The following EIF4A2 variants were observed in gnomAD, a reference collection of about 807,000 sequenced individuals.
EIF4A2 encodes eukaryotic translation initiation factor 4A2.
A neutral mutation model predicts 50.6 loss-of-function variants in EIF4A2; 9 were observed. That is an observed-to-expected ratio of 0.18 (90% CI 0.11 to 0.31). EIF4A2 has a LOEUF of 0.31. Among genes scored for constraint, EIF4A2 ranks in the 10% least tolerant of loss-of-function variants. The pLI, the probability that EIF4A2 is intolerant of heterozygous loss-of-function variation, is 1.00. For synonymous variants in EIF4A2, 215 were observed against 164.4 expected (o/e 1.31, Z -2.35); for missense variants, 182 against 501.8 (o/e 0.36, Z 6.09).
intron 10 of EIF4A2, chr3:186,788,395 A>C: frequency 1.1e-5 from 14 of 1,284,384 alleles, no homozygotes; most frequent in Non-Finnish European, 1.4e-5. Flanking sequence ...GCGAAACAGC[A>C]CACTGTTTGA....
intron 1 of EIF4A2, chr3:186,783,956 G>GTA (rs1721524282): frequency 4.2e-6 from 2 of 471,862 alleles, no homozygotes; most frequent in Admixed American, 7.3e-5. Flanking sequence ...TCGGTACACT[G>GTA]TAACCAGGAC....
At position 186,784,219 on chromosome 3, in the gene EIF4A2, C is replaced by T. The variant is rs539061113; in HGVS notation, c.30-213C>T. The T allele has an allele frequency of 1.2e-5, 8 of 646,582 alleles. No individual in the cohort carries two copies. The East Asian group carries it at 2.0e-4, about 16-fold the overall frequency. 40.1% of individuals were successfully genotyped at this position (646,582 alleles called of 1,614,324 possible). On this transcript the variant is annotated intron_variant, in intron 1 of 10. Coordinates refer to ENST00000323963, the MANE Select transcript of EIF4A2 (RefSeq NM_001967.4). ...ACGCTCCGCAGTTGAAACGGGATCG[C>T]CATGCGCTCGGGCCTGGGGGGCTGC...
At chr3:186,784,355 T>G (rs1579155586) in intron 1 of EIF4A2, 77 bp from the exon 2 acceptor site, 4 of 1,608,382 alleles carry the variant, frequency 2.5e-6, no homozygotes, top group African/African-American at 1.3e-5. Flanking sequence ...CTGAGACGGG[T>G]TGCAAAGGGC....
chr3:186,786,475 G>A, intron 6 of EIF4A2, 27 bp from the exon 7 acceptor site: 2 of 1,608,696 alleles, frequency 1.2e-6, no homozygotes, highest in Non-Finnish European at 1.7e-6. Context: ...TGTAAGTTGT[G>A]CTACAACATA....
intron 6 of EIF4A2, 105 bp from the exon 7 acceptor site, chr3:186,786,397 C>T (rs1721712014): frequency 6.5e-7 from 1 of 1,539,228 alleles, no homozygotes. Flanking sequence ...ATGCATAACT[C>T]TGTCTACCTT....
chr3:186,788,947 C>A lies in EIF4A2; in HGVS notation c.1080-178C>A, dbSNP rs1429259821. ...AGACAAGCCTTGAATCCTTTTGGCA[C>A]TAACTGCAAAGGAAGATTTTTTTCT... On this transcript the variant is annotated intron_variant, in intron 10 of 10. Coordinates refer to ENST00000323963, the MANE Select transcript of EIF4A2 (RefSeq NM_001967.4). 7.4e-6 allele frequency: 6 copies of A among 812,592 alleles called. No individual in the cohort carries two copies. In the East Asian group the frequency reaches 1.5e-4, roughly 21 times the overall value. 50.3% of individuals were successfully genotyped at this position (812,592 alleles called of 1,614,324 possible). A position where few individuals can be genotyped will look rare whatever the true frequency, so the allele number is the denominator to read the frequency against.
At chr3:186,786,402 TACCTTCATTCCGTAGTAAG>T in intron 6 of EIF4A2, 81 bp from the exon 7 acceptor site, 1 of 1,545,222 alleles carries the variant, frequency 6.5e-7, no homozygotes, top group Non-Finnish European at 8.7e-7. Flanking sequence ...TAACTCTGTC[TACCTTCATTCCGTAGTAAG>T]ACAGAGACGC....
At chr3:186,785,665 G>T in intron 4 of EIF4A2, 1 of 516,790 alleles carries the variant, frequency 1.9e-6, no homozygotes, top group Non-Finnish European at 3.4e-6. Flanking sequence ...GCTGATGCGT[G>T]GAGCAGCAGC....
intron 8 of EIF4A2, 22 bp from the exon 9 acceptor site, chr3:186,787,473 A>T (rs1188402576): frequency 1.9e-6 from 3 of 1,611,996 alleles, no homozygotes; most frequent in Non-Finnish European, 2.5e-6. Context: ...TGATTCTTGA[A>T]TTAAGGTTTA....
rs1415337307 is a variant in EIF4A2 at position 186,789,797 on chromosome 3, A to G, written c.*528A>G. On this transcript the variant is annotated 3_prime_UTR_variant, in exon 11 of 11. Coordinates refer to ENST00000323963, the MANE Select transcript of EIF4A2 (RefSeq NM_001967.4). Reference sequence around the variant, plus strand: ...GAACTGGACCCTGTTGCTAAGCCCCAGCAAGCAATCCTAGGTAGGGTTTAA... The same window carrying G: ...GAACTGGACCCTGTTGCTAAGCCCCGGCAAGCAATCCTAGGTAGGGTTTAA... The G allele has an allele frequency of 5.1e-6, 3 of 582,808 alleles. No individual in the cohort carries two copies. Among genetic ancestry groups the G allele is most frequent in the Non-Finnish European group, 9.1e-6 (3 of 331,278 alleles). The allele number at this position is 582,808 out of a possible 1,614,324, so 36.1% of individuals were successfully genotyped here.
intron 7 of EIF4A2, 159 bp from the exon 8 acceptor site, chr3:186,786,968 C>CTG: frequency 8.7e-7 from 1 of 1,154,384 alleles, no homozygotes; most frequent in Non-Finnish European, 1.2e-6. Context: ...GTTTCACTTT[C>CTG]TTGAAACCCT....
chr3:186,789,637 A>G lies in EIF4A2; in HGVS notation c.*368A>G, dbSNP rs1250226965. On this transcript the variant is annotated 3_prime_UTR_variant, in exon 11 of 11. Transcript: ENST00000323963. ...GTATAAAATCAGCCAATTATGTTAA[A>G]CTAGCATATCTGCCTTTATTGTGTT... is the stretch of plus-strand genomic sequence containing the variant. The G allele has an allele frequency of 3.0e-6, 1 of 336,626 alleles. No homozygotes were observed. 20.9% of individuals were successfully genotyped at this position (336,626 alleles called of 1,614,324 possible).
At chr3:186,783,839 G>A in intron 1 of EIF4A2, 200 bp downstream of exon 1, 2 of 778,378 alleles carry the variant, frequency 2.6e-6, no homozygotes, top group South Asian at 1.8e-5. Context: ...GAAAGCAGTG[G>A]CTAAAGGGCG....
chr3:186,787,393 A>G (rs766266914), intron 8 of EIF4A2, 102 bp from the exon 9 acceptor site: 30 of 1,606,974 alleles, frequency 1.9e-5, no homozygotes, highest in African/African-American at 8.0e-5. Context: ...CCTGTCTGCT[A>G]TTCTCCTGTA....
Position 186,784,528 on chromosome 3 carries a change from C to G in EIF4A2, c.76-36C>G, listed in dbSNP as rs1721578289. On this transcript the variant is annotated intron_variant, in intron 2 of 10. Coordinates refer to ENST00000323963, the MANE Select transcript of EIF4A2 (RefSeq NM_001967.4). ...GCTTTGGAAAGGTGAGTGTGTTCAT[C>G]TCATTTATGCGTGCATTATTTTTTC... 1.9e-6 allele frequency: 3 copies of G among 1,614,160 alleles called. No individual in the cohort carries two copies. In the East Asian group the frequency reaches 6.7e-5, roughly 36 times the overall value.
intron 2 of EIF4A2, 31 bp downstream of exon 2, chr3:186,784,508 G>A: frequency 6.2e-7 from 1 of 1,614,164 alleles, no homozygotes; most frequent in Non-Finnish European, 8.5e-7. Context: ...TTGAAGCTTT[G>A]GAAAGGTGAG....
chr3:186,789,062 C>CAT, intron 10 of EIF4A2, 63 bp from the exon 11 acceptor site: 1 of 1,527,384 alleles, frequency 6.5e-7, no homozygotes. Context: ...ACAAGTGGAT[C>CAT]GTCATGTTCA....
In EIF4A2 at chr3:186,789,309, C is replaced by T; in HGVS notation, c.*40C>T. 6.3e-7 allele frequency: 1 copy of T among 1,579,494 alleles called. No homozygotes were observed. Among genetic ancestry groups the T allele is most frequent in the Non-Finnish European group, 8.6e-7 (1 of 1,162,786 alleles). ...GTTTTGGATGCAGTGCTCGCTGTTG[C>T]TGAATAGGCGATCACAACGTGCATT... On this transcript the variant is annotated 3_prime_UTR_variant, in exon 11 of 11. Coordinates refer to ENST00000323963, the MANE Select transcript of EIF4A2 (RefSeq NM_001967.4).
At chr3:186,787,943 G>T in intron 10 of EIF4A2, 61 bp downstream of exon 10, 1 of 1,528,552 alleles carries the variant, frequency 6.5e-7, no homozygotes. Context: ...ACTGTGATTT[G>T]TATGAAAGGT....
Sources: allele counts gnomAD v4.1 joint callset, GRCh38; gene constraint gnomAD v4.1.1; transcripts MANE v1.5; gene names NCBI Gene and HGNC (gene_info 2026-07-23, HGNC 2026-07-21).